CEP89: variants seen among roughly 807,000 people sequenced by gnomAD.
CEP89 encodes centrosomal protein 89, also known as centrosomal protein of 89 kDa.
In CEP89, 95 loss-of-function variants were observed where a neutral mutation model predicts 97.6. The ratio of observed to expected loss-of-function variants is 0.97; its 90% CI spans 0.82 to 1.15. The LOEUF (loss-of-function observed/expected upper bound fraction) is 1.15, where lower values mean the gene tolerates loss of function less well. CEP89 is among the 50% of genes most tolerant of loss of function. CEP89 has a pLI of 0.00. For missense variants in CEP89, 869 were observed against 947.7 expected, an observed-to-expected ratio of 0.92 and a Z score of 1.09; for synonymous variants, 354 against 349.1, an observed-to-expected ratio of 1.01 and a Z score of -0.16.
chr19:32,927,692 C>T (rs1453798220), intron 9 of CEP89, among the ~76,000 whole-genome samples: 3 of 151,958 alleles, frequency 2.0e-5, no homozygotes, highest in Non-Finnish European at 2.9e-5. Context: ...GCAACTTCTG[C>T]CTTCTGGGCT....
At chr19:32,919,155 GATTA>G (rs1970196671) in intron 12 of CEP89, among the ~76,000 whole-genome samples, 1 of 152,040 alleles carries the variant, frequency 6.6e-6, no homozygotes, top group Admixed American at 6.6e-5. Context: ...AAAGTGCTGG[GATTA>G]TAGGCATGAG....
At chr19:32,899,756 G>A in intron 16 of CEP89, 101 bp downstream of exon 16, 1 of 1,161,062 alleles carries the variant, frequency 8.6e-7, no homozygotes, top group Non-Finnish European at 1.2e-6. Flanking sequence ...GTCAGGGAAT[G>A]CCTGGATAAA....
chr19:32,930,080 C>T (rs901190749), intron 9 of CEP89, among the ~76,000 whole-genome samples: 6 of 147,380 alleles, frequency 4.1e-5, no homozygotes, highest in African/African-American at 1.5e-4. Flanking sequence ...GGCTGGAGTG[C>T]AGTGGCATGA....
intron 12 of CEP89, among the ~76,000 whole-genome samples, chr19:32,919,625 C>T (rs916349999): frequency 3.9e-4 from 59 of 152,144 alleles, no homozygotes; most frequent in African/African-American, 1.4e-3. Context: ...TCCTCATTCC[C>T]GCCACAAACT....
At chr19:32,929,128 T>C (rs1222099823) in intron 9 of CEP89, among the ~76,000 whole-genome samples, 3 of 152,184 alleles carry the variant, frequency 2.0e-5, no homozygotes, top group South Asian at 2.1e-4. Context: ...TCTGCAAACA[T>C]TGGCAACTCA....
chr19:32,898,881 TAAAAAA>T (rs56965428), intron 16 of CEP89, among the ~76,000 whole-genome samples: 2 of 127,494 alleles, frequency 1.6e-5, no homozygotes, highest in East Asian at 4.5e-4. Context: ...GACTCCATCT[TAAAAAA>T]AAAAAAAAAA....
chr19:32,894,347 A>AT (rs1969595195), intron 16 of CEP89, among the ~76,000 whole-genome samples: 1 of 152,178 alleles, frequency 6.6e-6, no homozygotes, highest in African/African-American at 2.4e-5. Context: ...TCTTAGCAAG[A>AT]TAAGTAGTCC....
intron 14 of CEP89, among the ~76,000 whole-genome samples, chr19:32,911,755 A>G (rs1970005417): frequency 1.3e-5 from 2 of 152,202 alleles, no homozygotes; most frequent in East Asian, 1.9e-4. Flanking sequence ...TTAAGCACCA[A>G]GCTTCACATG....
At chr19:32,963,084 G>C (rs1438425277) in intron 2 of CEP89, among the ~76,000 whole-genome samples, 1 of 152,144 alleles carries the variant, frequency 6.6e-6, no homozygotes, top group Non-Finnish European at 1.5e-5. Flanking sequence ...GACCAGGCGC[G>C]GTAGCTCACG....
At chr19:32,910,321 G>A (rs1440706714) in intron 14 of CEP89, among the ~76,000 whole-genome samples, 1 of 151,964 alleles carries the variant, frequency 6.6e-6, no homozygotes, top group African/African-American at 2.4e-5. Context: ...GAGGGAGAGA[G>A]AGAGAGAGAG....
chr19:32,894,901 T>C (rs1170884647), intron 16 of CEP89, among the ~76,000 whole-genome samples: 1 of 152,158 alleles, frequency 6.6e-6, no homozygotes, highest in African/African-American at 2.4e-5. Context: ...AACTGGCCCA[T>C]TGACAACACT....
At chr19:32,954,125 G>C (rs931780929) in intron 3 of CEP89, among the ~76,000 whole-genome samples, 2 of 151,824 alleles carry the variant, frequency 1.3e-5, no homozygotes, top group Middle Eastern at 6.8e-3. Context: ...CGCCCGCCTC[G>C]GCCTCCCAAA....
chr19:32,880,870 A>T (rs1969267215), intron 18 of CEP89, among the ~76,000 whole-genome samples: 1 of 152,164 alleles, frequency 6.6e-6, no homozygotes, highest in Non-Finnish European at 1.5e-5. Flanking sequence ...GATCGTGCAG[A>T]TCAAGAGTGA....
intron 17 of CEP89, among the ~76,000 whole-genome samples, chr19:32,884,917 C>T (rs1326012242): frequency 6.6e-6 from 1 of 152,168 alleles, no homozygotes; most frequent in Non-Finnish European, 1.5e-5. Flanking sequence ...TTTATTCTTA[C>T]GCCTTTATAT....
chr19:32,902,002 C>CTGTGTGTGTGTGTGTGTGTGTGTG (rs1471468250), intron 14 of CEP89, among the ~76,000 whole-genome samples: 22 of 105,034 alleles, frequency 2.1e-4, no homozygotes, highest in African/African-American at 3.5e-4. Flanking sequence ...CTCTGTCTCT[C>CTGTGTGTGTGTGTGTGTGTGTGTG]TCTCTCTCTG....
At chr19:32,884,969 T>G (rs16967540) in intron 17 of CEP89, among the ~76,000 whole-genome samples, 12,347 of 152,198 alleles carry the variant, frequency 0.081, 1,564 homozygotes, top group African/African-American at 0.27. Context: ...TATCCATTGG[T>G]TCCCTAACAA....
At chr19:32,942,949 G>C (rs577854787) in intron 5 of CEP89, among the ~76,000 whole-genome samples, 2 of 151,418 alleles carry the variant, frequency 1.3e-5, no homozygotes, top group Non-Finnish European at 2.9e-5. Context: ...GAGCTCAAGC[G>C]ATCTTCCTGC....
intron 12 of CEP89, among the ~76,000 whole-genome samples, chr19:32,923,035 TG>T (rs1208599147): frequency 2.0e-5 from 3 of 152,114 alleles, no homozygotes; most frequent in Non-Finnish European, 4.4e-5. Flanking sequence ...GGCAGGCGGA[TG>T]GAAGCTGGTC....
At chr19:32,944,269 T>C (rs1390987286) in intron 5 of CEP89, among the ~76,000 whole-genome samples, 2 of 134,818 alleles carry the variant, frequency 1.5e-5, no homozygotes, top group Admixed American at 7.4e-5. Flanking sequence ...GATGAATGAA[T>C]GAAGTCAAAT....
Sources: allele counts gnomAD v4.1 joint callset (sites outside exome capture counted in the v4.1 genomes callset), GRCh38; gene constraint gnomAD v4.1.1; transcripts MANE v1.5; gene names NCBI Gene and HGNC (gene_info 2026-07-23, HGNC 2026-07-21).